The following GAS7 variants were observed in gnomAD, a reference collection of about 807,000 sequenced individuals.
GAS7 encodes the protein growth arrest specific 7, also known as growth arrest-specific protein 7.
In GAS7, 28 loss-of-function variants were observed where a neutral mutation model predicts 71.1. That is an observed-to-expected ratio of 0.39 (90% CI 0.29 to 0.54). The LOEUF (loss-of-function observed/expected upper bound fraction) is 0.54, where lower values mean the gene tolerates loss of function less well. Ranked by LOEUF, GAS7 falls within the 20% of genes least tolerant of loss-of-function variation. GAS7 has a pLI of 0.62. For missense variants in GAS7, 436 were observed against 627.8 expected, an observed-to-expected ratio of 0.69 and a Z score of 3.27; for synonymous variants, 258 against 245.8, an observed-to-expected ratio of 1.05 and a Z score of -0.46.
intron 5 of GAS7, among the ~76,000 whole-genome samples, chr17:9,951,174 C>T (rs1198084649): frequency 6.6e-6 from 1 of 152,210 alleles, no homozygotes; most frequent in Non-Finnish European, 1.5e-5. Flanking sequence ...TTTTGTATTC[C>T]AATTATTCTT....
At chr17:10,127,413 G>A (rs118030142) in intron 1 of GAS7, among the ~76,000 whole-genome samples, 11 of 152,222 alleles carry the variant, frequency 7.2e-5, no homozygotes, top group African/African-American at 1.4e-4. Flanking sequence ...GTCAGGAGGC[G>A]GGGAGTATTG....
chr17:10,014,776 G>C (rs904270546), intron 2 of GAS7, among the ~76,000 whole-genome samples: 2 of 152,174 alleles, frequency 1.3e-5, no homozygotes, highest in Non-Finnish European at 2.9e-5. Context: ...ACAGCATCTA[G>C]TTTGATTTTG....
At chr17:10,153,519 C>CAAAAAAAAAA (rs11476862) in intron 1 of GAS7, among the ~76,000 whole-genome samples, 1 of 117,744 alleles carries the variant, frequency 8.5e-6, no homozygotes, top group Non-Finnish European at 1.8e-5. Context: ...CTTTGACTCA[C>CAAAAAAAAAA]AAAAAAAAAA....
chr17:10,128,689 G>A (rs1383529341), intron 1 of GAS7, among the ~76,000 whole-genome samples: 3 of 148,864 alleles, frequency 2.0e-5, no homozygotes, highest in Non-Finnish European at 3.0e-5. Context: ...GCGTGATCTC[G>A]GCTCACTGCA....
intron 5 of GAS7, among the ~76,000 whole-genome samples, chr17:9,956,787 G>A (rs186843675): frequency 5.3e-5 from 8 of 152,254 alleles, no homozygotes; most frequent in East Asian, 1.9e-4. Flanking sequence ...CAGACAGCAC[G>A]GGAAGCGGCT....
rs541194822 is a variant in GAS7, at chr17:10,129,010, A to C, written c.183+69198T>G. Among the ~76,000 whole-genome samples the C allele has an allele frequency of 2.0e-4, 30 of 152,292 alleles. No individual in the cohort carries two copies. The South Asian group carries it at 6.2e-3, about 32-fold the overall frequency. On this transcript the variant is annotated intron_variant, in intron 1 of 13. Coordinates refer to ENST00000432992, the MANE Select transcript of GAS7 (RefSeq NM_201433.2). ...TTGGTATCTCCCTGTGGGTCAGCAG[A>C]CATATATGAGAAGACATTTTTTCAC...
At chr17:10,109,878 A>G (rs2073793849) in intron 1 of GAS7, among the ~76,000 whole-genome samples, 1 of 151,674 alleles carries the variant, frequency 6.6e-6, no homozygotes, top group South Asian at 2.1e-4. Context: ...ACGTGGTAAA[A>G]CCCCCTCTGT....
chr17:9,945,908 T>C (rs1428790505), intron 6 of GAS7, among the ~76,000 whole-genome samples: 1 of 152,018 alleles, frequency 6.6e-6, no homozygotes, highest in African/African-American at 2.4e-5. Context: ...CGCTTGAACC[T>C]GGGAGGTGGA....
intron 1 of GAS7, among the ~76,000 whole-genome samples, chr17:10,097,864 C>T (rs1388376943): frequency 1.3e-5 from 2 of 151,832 alleles, no homozygotes; most frequent in Non-Finnish European, 2.9e-5. Context: ...GCCAACATAG[C>T]GAAACCCCGT....
At chr17:10,038,174 G>A (rs1296323885) in intron 1 of GAS7, among the ~76,000 whole-genome samples, 3 of 151,942 alleles carry the variant, frequency 2.0e-5, no homozygotes, top group East Asian at 1.9e-4. Context: ...CCCGGCCAAC[G>A]TGGTGATACC....
At position 9,919,602 on chromosome 17, in the gene GAS7, G is replaced by A. The variant is rs2067721137; in HGVS notation, c.1218+24C>T. 1.3e-6 allele frequency: 2 copies of A among 1,560,564 alleles called. No homozygotes were observed. Among genetic ancestry groups the A allele is most frequent in the African/African-American group, 2.7e-5 (2 of 73,860 alleles). ...TCTGTGTCAGCCTCTGTACTGCCAT[G>A]TCCACACATCCCTGCCCGCTTACCA... On this transcript the variant is annotated intron_variant, in intron 12 of 13. Coordinates refer to ENST00000432992, the MANE Select transcript of GAS7 (RefSeq NM_201433.2). This position sits in a 1 kb window ranked among gnomAD's most constrained non-coding sequence, Gnocchi z 5.0.
chr17:10,181,359 C>CAAA (rs71365733), intron 1 of GAS7, among the ~76,000 whole-genome samples: 52,307 of 137,286 alleles, frequency 0.38, 9,995 homozygotes, highest in East Asian at 0.58. Flanking sequence ...GACTCCACCT[C>CAAA]AAAAAAAAAA....
intron 5 of GAS7, among the ~76,000 whole-genome samples, chr17:9,955,608 G>A (rs951183700): frequency 9.2e-5 from 14 of 152,134 alleles, no homozygotes; most frequent in Non-Finnish European, 4.4e-5. Context: ...CTGAACCCAC[G>A]CAAGCCGGCT....
intron 1 of GAS7, among the ~76,000 whole-genome samples, chr17:10,190,640 C>T (rs1021374841): frequency 1.3e-5 from 2 of 151,300 alleles, no homozygotes; most frequent in African/African-American, 4.9e-5. Flanking sequence ...ACGAGGCTTG[C>T]TAGCCTACTG....
intron 11 of GAS7, among the ~76,000 whole-genome samples, chr17:9,921,174 T>G (rs1316154602): frequency 3.3e-5 from 5 of 150,386 alleles, no homozygotes; most frequent in East Asian, 1.9e-4. Context: ...TTTTTTTTTT[T>G]GAGACGGAGT....
chr17:9,939,004 A>G (rs917362758), intron 8 of GAS7, among the ~76,000 whole-genome samples: 4 of 152,102 alleles, frequency 2.6e-5, no homozygotes, highest in Non-Finnish European at 5.9e-5. Flanking sequence ...ATGGGTATCC[A>G]TTGTGCATAC....
chr17:10,042,292 CAA>C (rs58391348), intron 1 of GAS7, among the ~76,000 whole-genome samples: 8 of 95,606 alleles, frequency 8.4e-5, no homozygotes, highest in Admixed American at 1.2e-4. Context: ...GAGACTCCGT[CAA>C]AAAAAAAAAA....
intron 2 of GAS7, among the ~76,000 whole-genome samples, chr17:10,015,330 G>A (rs966992402): frequency 1.3e-5 from 2 of 152,182 alleles, no homozygotes; most frequent in African/African-American, 2.4e-5. Context: ...AGAAGCGTCT[G>A]GAAGAAAGGT....
At chr17:10,104,397 A>G (rs1483351901) in intron 1 of GAS7, among the ~76,000 whole-genome samples, 1 of 152,134 alleles carries the variant, frequency 6.6e-6, no homozygotes, top group Non-Finnish European at 1.5e-5. Flanking sequence ...CAGTGCCCAG[A>G]GCTCACTCCT....
Sources: allele counts gnomAD v4.1 joint callset (sites outside exome capture counted in the v4.1 genomes callset), GRCh38; gene constraint gnomAD v4.1.1; non-coding constraint Gnocchi (gnomAD v3.1); transcripts MANE v1.5; gene names NCBI Gene and HGNC (gene_info 2026-07-23, HGNC 2026-07-21).